The following PRR5L variants were observed in gnomAD, a reference collection of about 807,000 sequenced individuals.
PRR5L encodes proline-rich protein 5-like.
A neutral mutation model predicts 36.4 loss-of-function variants in PRR5L; 21 were observed. The ratio of observed to expected loss-of-function variants is 0.58; its 90% CI spans 0.41 to 0.83. The LOEUF is 0.83. Among genes scored for constraint, PRR5L ranks in the 40% least tolerant of loss-of-function variants. PRR5L has a pLI of 0.00. For missense variants in PRR5L, 381 were observed against 473.3 expected, an observed-to-expected ratio of 0.80 and a Z score of 1.81; for synonymous variants, 188 against 197.0, an observed-to-expected ratio of 0.95 and a Z score of 0.38.
intron 1 of PRR5L, among the ~76,000 whole-genome samples, chr11:36,399,244 A>T (rs1857736045): frequency 6.6e-6 from 1 of 152,196 alleles, no homozygotes; most frequent in Non-Finnish European, 1.5e-5. Flanking sequence ...CATTCTGAGC[A>T]GGGGGTGAAG....
rs771056017 is a variant in PRR5L, at chr11:36,462,601, C to T, written c.972C>T (p.Leu324=). Residue 324 remains leucine (L), a synonymous_variant, in exon 9 of 9, where the codon CTC becomes CTT. Transcript: ENST00000530639. ...EEASSENKCL[L]LPPSFPPPHR... ...CCAGCAGTGAGAACAAGTGCCTGCT[C>T]CTGCCACCCAGCTTCCCCCCGCCCC... The T allele has an allele frequency of 1.9e-6, 3 of 1,612,814 alleles. No homozygotes were observed. The highest frequency in any genetic ancestry group is 2.5e-6 in the Non-Finnish European group (3 of 1,179,934).
At chr11:36,315,472 G>A (rs760323806) in intron 1 of PRR5L, among the ~76,000 whole-genome samples, 20 of 152,218 alleles carry the variant, frequency 1.3e-4, no homozygotes, top group Non-Finnish European at 2.4e-4. Flanking sequence ...TTTGGCTTTA[G>A]AAGTATTAAA....
intron 1 of PRR5L, among the ~76,000 whole-genome samples, chr11:36,343,561 C>A (rs112661255): frequency 2.0e-5 from 3 of 152,294 alleles, no homozygotes; most frequent in African/African-American, 7.2e-5. Context: ...GCTGTAGGAA[C>A]CACATTATTT....
chr11:36,426,943 C>T (rs1364805102), intron 4 of PRR5L, among the ~76,000 whole-genome samples: 4 of 152,170 alleles, frequency 2.6e-5, no homozygotes, highest in Non-Finnish European at 4.4e-5. Flanking sequence ...TCCATCCCAC[C>T]GGGTTGTGAA....
intron 1 of PRR5L, among the ~76,000 whole-genome samples, chr11:36,337,728 A>G (rs998410252): frequency 2.0e-5 from 3 of 152,088 alleles, no homozygotes; most frequent in African/African-American, 7.2e-5. Context: ...TCATCTTACA[A>G]CCTGCCTGCT....
At chr11:36,299,568 A>T (rs185368631) in intron 1 of PRR5L, among the ~76,000 whole-genome samples, 7 of 152,310 alleles carry the variant, frequency 4.6e-5, no homozygotes, top group African/African-American at 1.4e-4. Flanking sequence ...CCTTGGCAAT[A>T]CCTGAACTGA....
chr11:36,298,243 G>A (rs997110597), intron 1 of PRR5L, among the ~76,000 whole-genome samples: 4 of 152,186 alleles, frequency 2.6e-5, no homozygotes, highest in South Asian at 2.1e-4. Flanking sequence ...CAGTTTTGTA[G>A]ATGACACTTT....
intron 3 of PRR5L, among the ~76,000 whole-genome samples, chr11:36,406,740 A>T (rs1393110854): frequency 6.6e-6 from 1 of 152,208 alleles, no homozygotes; most frequent in Non-Finnish European, 1.5e-5. Flanking sequence ...ACAGGATGGT[A>T]GGGATGTCAG....
chr11:36,322,580 C>T (rs1337806349), intron 1 of PRR5L, among the ~76,000 whole-genome samples: 2 of 152,200 alleles, frequency 1.3e-5, no homozygotes. Context: ...CCACCACCCA[C>T]CTCTGGCCTC....
intron 3 of PRR5L, among the ~76,000 whole-genome samples, chr11:36,404,958 A>G (rs1342594850): frequency 6.6e-6 from 1 of 152,246 alleles, no homozygotes; most frequent in African/African-American, 2.4e-5. Context: ...TCCAAGAACT[A>G]AAATTCTGGC....
chr11:36,392,012 C>A (rs994332152), intron 1 of PRR5L, among the ~76,000 whole-genome samples: 1 of 152,148 alleles, frequency 6.6e-6, no homozygotes, highest in South Asian at 2.1e-4. Flanking sequence ...TTCCTGTCTC[C>A]GTGAGTTCAA....
At chr11:36,429,048 T>C (rs183373188) in intron 4 of PRR5L, among the ~76,000 whole-genome samples, 2 of 152,282 alleles carry the variant, frequency 1.3e-5, no homozygotes, top group East Asian at 3.9e-4. Flanking sequence ...CTTGAAAATA[T>C]ATAAAAAAGA....
chr11:36,379,226 C>G (rs1159950901), intron 1 of PRR5L, among the ~76,000 whole-genome samples: 1 of 152,196 alleles, frequency 6.6e-6, no homozygotes, highest in Admixed American at 6.5e-5. Context: ...TCAGTAAGGA[C>G]TTTGTGGATT....
chr11:36,393,716 G>T (rs1025036752), intron 1 of PRR5L: 1 of 152,206 alleles, frequency 6.6e-6, no homozygotes, highest in African/African-American at 2.4e-5. Context: ...TGTGAAGAAT[G>T]TCATTAGTAT....
chr11:36,457,804 T>C (rs1859095853), intron 8 of PRR5L, among the ~76,000 whole-genome samples: 1 of 152,208 alleles, frequency 6.6e-6, no homozygotes, highest in Non-Finnish European at 1.5e-5. Flanking sequence ...TGTCTCCTGC[T>C]AGACTGGTTG....
At chr11:36,409,132 A>C (rs1426973226) in intron 3 of PRR5L, among the ~76,000 whole-genome samples, 1 of 152,218 alleles carries the variant, frequency 6.6e-6, no homozygotes, top group Non-Finnish European at 1.5e-5. Flanking sequence ...AATTAGACCT[A>C]GGAGAAAATG....
At chr11:36,420,933 A>G (rs1564943824) in intron 4 of PRR5L, among the ~76,000 whole-genome samples, 1 of 151,924 alleles carries the variant, frequency 6.6e-6, no homozygotes, top group Non-Finnish European at 1.5e-5. Context: ...CTGGAATTCA[A>G]TCGGGTCATA....
intron 1 of PRR5L, among the ~76,000 whole-genome samples, chr11:36,363,289 A>G (rs1857111734): frequency 6.6e-6 from 1 of 152,232 alleles, no homozygotes; most frequent in Non-Finnish European, 1.5e-5. Flanking sequence ...GTTAACTTAC[A>G]TTCATGACAC....
At chr11:36,299,791 A>C (rs1038374538) in intron 1 of PRR5L, among the ~76,000 whole-genome samples, 1 of 152,162 alleles carries the variant, frequency 6.6e-6, no homozygotes, top group Non-Finnish European at 1.5e-5. Flanking sequence ...GGCCTTCATC[A>C]TCCAGGCTTC....
Sources: allele counts gnomAD v4.1 joint callset (sites outside exome capture counted in the v4.1 genomes callset), GRCh38; gene constraint gnomAD v4.1.1; transcripts MANE v1.5; gene names NCBI Gene and HGNC (gene_info 2026-07-23, HGNC 2026-07-21).